The following HHIPL2 variants were observed in gnomAD, a reference collection of about 807,000 sequenced individuals.
The protein encoded by HHIPL2 is HHIP-like protein 2.
HHIPL2 carries 61 observed loss-of-function variants against 61.0 expected under a neutral mutation model. That is an observed-to-expected ratio of 1.00 (90% CI 0.81 to 1.24). The LOEUF (loss-of-function observed/expected upper bound fraction) is 1.24. Ranked by LOEUF, HHIPL2 falls within the 50% of genes most tolerant of loss-of-function variation. HHIPL2 has a pLI of 0.00. For missense variants in HHIPL2, 885 were observed against 910.2 expected, an observed-to-expected ratio of 0.97 and a Z score of 0.36; for synonymous variants, 343 against 357.4, an observed-to-expected ratio of 0.96 and a Z score of 0.45.
intron 4 of HHIPL2, 126 bp from the exon 5 acceptor site, chr1:222,538,900 G>A (rs1659364964): frequency 3.4e-6 from 3 of 875,166 alleles, no homozygotes; most frequent in South Asian, 1.8e-5. Flanking sequence ...TTGGTCTTCA[G>A]TAGGACAGGC....
At chr1:222,534,210 G>T (rs191364268) in intron 5 of HHIPL2, among the ~76,000 whole-genome samples, 1 of 152,232 alleles carries the variant, frequency 6.6e-6, no homozygotes, top group East Asian at 1.9e-4. Context: ...ATCATTTATA[G>T]GAATACAAAA....
chr1:222,533,524 T>C (rs1330254249), intron 5 of HHIPL2, among the ~76,000 whole-genome samples: 1 of 152,156 alleles, frequency 6.6e-6, no homozygotes, highest in Non-Finnish European at 1.5e-5. Flanking sequence ...ATAAAGGACC[T>C]GACCAATTAG....
rs1659534762 is a variant in HHIPL2, at chr1:222,545,444, CG to C, written c.322-1256del. On this transcript the variant is annotated intron_variant, in intron 1 of 8. Coordinates refer to ENST00000343410, the MANE Select transcript of HHIPL2 (RefSeq NM_024746.4). Reference sequence around the variant, plus strand: ...AGCTCAGAGATTCGCAGGCTCCCCTCGGGGTGTCTGTTTCCATTTAAGACAC... The same window carrying C: ...AGCTCAGAGATTCGCAGGCTCCCCTCGGGTGTCTGTTTCCATTTAAGACAC... 2.6e-5 allele frequency among the ~76,000 whole-genome samples: 4 copies of C among 152,242 alleles called. No individual in the cohort carries two copies. The South Asian group carries it at 8.3e-4, about 32-fold the overall frequency.
rs1311018092 is a variant in HHIPL2, at chr1:222,522,583, G to A, written c.*18C>T. ...TCTCCTCTCTCACGTCACCCTGTCG[G>A]CCACCTTGACCAATAGGTCAAGGGA... On this transcript the variant is annotated 3_prime_UTR_variant, in exon 9 of 9. Coordinates refer to ENST00000343410, the MANE Select transcript of HHIPL2 (RefSeq NM_024746.4). 3 of 1,605,146 alleles carry A rather than the reference G, an allele frequency of 1.9e-6. No homozygotes were observed. The highest frequency in any genetic ancestry group is 2.5e-6 in the Non-Finnish European group (3 of 1,177,546).
intron 6 of HHIPL2, among the ~76,000 whole-genome samples, chr1:222,528,610 CAA>C (rs911314547): frequency 7.1e-6 from 1 of 140,918 alleles, no homozygotes; most frequent in Non-Finnish European, 1.6e-5. Context: ...GACTCCGTCT[CAA>C]AAAAAAAAAG....
chr1:222,523,031 T>C, intron 8 of HHIPL2, 144 bp from the exon 9 acceptor site: 1 of 684,526 alleles, frequency 1.5e-6, no homozygotes, highest in Non-Finnish European at 2.3e-6. Context: ...TCTAAATATA[T>C]GACTTTTTTA....
chr1:222,537,389 AAC>A (rs1659322745), intron 5 of HHIPL2, among the ~76,000 whole-genome samples: 1 of 151,488 alleles, frequency 6.6e-6, no homozygotes, highest in South Asian at 2.1e-4. Flanking sequence ...ATTTCTATTC[AAC>A]ACTGCACTGA....
intron 3 of HHIPL2, 31 bp downstream of exon 3, chr1:222,541,981 G>A: frequency 2.5e-6 from 4 of 1,573,672 alleles, no homozygotes; most frequent in Non-Finnish European, 3.4e-6. Context: ...TCACTCTGAA[G>A]GGACAAGGGC....
intron 6 of HHIPL2, among the ~76,000 whole-genome samples, chr1:222,528,912 C>T (rs1209640394): frequency 6.6e-6 from 1 of 151,046 alleles, no homozygotes; most frequent in African/African-American, 2.4e-5. Context: ...CCTCAACCTC[C>T]TGGGCTCAAG....
intron 7 of HHIPL2, among the ~76,000 whole-genome samples, chr1:222,525,460 G>A (rs1045859301): frequency 6.6e-5 from 10 of 152,086 alleles, no homozygotes; most frequent in East Asian, 1.9e-4. Flanking sequence ...CCTCAGGGAC[G>A]GAGCCTCTTC....
chr1:222,537,857 C>G (rs1344918076), intron 5 of HHIPL2, among the ~76,000 whole-genome samples: 1 of 151,868 alleles, frequency 6.6e-6, no homozygotes, highest in African/African-American at 2.4e-5. Flanking sequence ...ACATCAAACA[C>G]TAAGAGACAG....
At chr1:222,531,798 A>T (rs1659197901) in intron 6 of HHIPL2, among the ~76,000 whole-genome samples, 168 bp downstream of exon 6, 1 of 152,234 alleles carries the variant, frequency 6.6e-6, no homozygotes, top group Admixed American at 6.5e-5. Context: ...GAAATAAGGT[A>T]AAAAATGTGA....
At chr1:222,546,051 T>TAA (rs1389249630) in intron 1 of HHIPL2, among the ~76,000 whole-genome samples, 76 of 150,718 alleles carry the variant, frequency 5.0e-4, no homozygotes, top group Admixed American at 1.9e-3. Context: ...TCTCAAAAAA[T>TAA]AAATAAATAA....
At chr1:222,538,198 GTGTGTGTGTGTGT>G (rs1558130078) in intron 5 of HHIPL2, among the ~76,000 whole-genome samples, 22 of 34,272 alleles carry the variant, frequency 6.4e-4, no homozygotes, top group African/African-American at 2.5e-3. Flanking sequence ...TGGCTGGGGT[GTGTGTGTGTGTGT>G]GTGTGTGTGT....
Position 222,540,223 on chromosome 1 carries a change from T to C in HHIPL2, c.1237A>G (p.Ile413Val), listed in dbSNP as rs1463607495. Residue 413 changes from isoleucine to valine, a missense_variant, in exon 4 of 9, where the codon ATC becomes GTC. By Grantham distance (29) the Ile-to-Val change is conservative (BLOSUM62 3). Transcript: ENST00000343410. ...ATGTTCCTGATCCCATAGGCATAGA[T>C]GGCGGGGTGGGCCCCTGGCTCAGAA... is the stretch of plus-strand genomic sequence containing the variant. ...FVSEPGAHPA[I>V]YAYGIRNMWR... 1 of 1,614,254 alleles carries C rather than the reference T, an allele frequency of 6.2e-7. No homozygotes were observed. The highest frequency in any genetic ancestry group is 8.5e-7 in the Non-Finnish European group (1 of 1,180,040).
At chr1:222,529,038 T>C (rs144854049) in intron 6 of HHIPL2, among the ~76,000 whole-genome samples, 85 of 152,136 alleles carry the variant, frequency 5.6e-4, no homozygotes, top group African/African-American at 2.0e-3. Context: ...CTCAGGCTGG[T>C]CTCAAACTCC....
At chr1:222,523,417 C>G (rs1558125060) in intron 8 of HHIPL2, among the ~76,000 whole-genome samples, 195 bp downstream of exon 8, 1 of 152,176 alleles carries the variant, frequency 6.6e-6, no homozygotes, top group Non-Finnish European at 1.5e-5. Flanking sequence ...GAACGAATAA[C>G]TAGAGGAAAC....
At chr1:222,526,073 C>G (rs571449374) in intron 7 of HHIPL2, among the ~76,000 whole-genome samples, 2 of 152,124 alleles carry the variant, frequency 1.3e-5, no homozygotes, top group East Asian at 3.9e-4. Flanking sequence ...GGATACAATG[C>G]ATCACCCTCC....
chr1:222,545,313 G>C (rs1194279924), intron 1 of HHIPL2, among the ~76,000 whole-genome samples: 5 of 152,140 alleles, frequency 3.3e-5, no homozygotes, highest in African/African-American at 1.2e-4. Flanking sequence ...TTCACAAAAG[G>C]ACCAGCAGCA....
Sources: gnomAD v4.1 joint callset for allele counts (sites outside exome capture counted in the v4.1 genomes callset) on GRCh38, gnomAD v4.1.1 for gene constraint, MANE v1.5 for transcripts, NCBI Gene and HGNC (gene_info 2026-07-23, HGNC 2026-07-21) for gene names.